The following CCAR2 variants were observed in gnomAD, a reference collection of about 807,000 sequenced individuals.
The protein encoded by CCAR2 is cell cycle and apoptosis regulator protein 2.
Under a neutral mutation model 108.1 loss-of-function variants are expected in CCAR2, and 21 were observed. The ratio of observed to expected loss-of-function variants is 0.19; its 90% confidence interval spans 0.14 to 0.28. The LOEUF is 0.28. Ranked by LOEUF, CCAR2 falls within the 10% of genes least tolerant of loss-of-function variation. The pLI is 1.00. For synonymous variants in CCAR2, 577 were observed against 472.8 expected, an observed-to-expected ratio of 1.22 and a Z score of -2.86; for missense variants, 1,126 against 1,177.0, an observed-to-expected ratio of 0.96 and a Z score of 0.63.
chr8:22,617,809 CAGT>C (rs1563926322), intron 16 of CCAR2, 31 bp downstream of exon 16: 8 of 1,608,304 alleles, frequency 5.0e-6, no homozygotes, highest in Admixed American at 1.7e-5. Flanking sequence ...CTCTGGGTCT[CAGT>C]GGTGGTGAGG....
chr8:22,615,621 CG>C (rs1464514649), intron 12 of CCAR2, 25 bp downstream of exon 12: 1 of 1,613,544 alleles, frequency 6.2e-7, no homozygotes. Flanking sequence ...TAGCCAGCAG[CG>C]GGGGATATAG....
chr8:22,613,471 C>T (rs1801375606), intron 8 of CCAR2, among the ~76,000 whole-genome samples: 1 of 151,496 alleles, frequency 6.6e-6, no homozygotes, highest in African/African-American at 2.4e-5. Context: ...AATGAACATC[C>T]TTCTACCTAC....
chr8:22,605,180 C>G (rs961710860), intron 1 of CCAR2: 4 of 190,252 alleles, frequency 2.1e-5, no homozygotes, highest in African/African-American at 9.6e-5. Flanking sequence ...GGCCAGGGAG[C>G]TGCCTTCCCA....
intron 14 of CCAR2, 160 bp downstream of exon 14, chr8:22,616,408 A>G (rs1801511050): frequency 1.5e-6 from 1 of 673,838 alleles, no homozygotes; most frequent in African/African-American, 1.8e-5. Context: ...CACCTAGTGC[A>G]AGGGAAGGTG....
At position 22,614,214 on chromosome 8, in the gene CCAR2, A is replaced by G; in HGVS notation, c.827A>G (p.His276Arg). Reference sequence around the variant, plus strand: ...CCCCTGAGCCAGCCCTTTTCCCTCCATCATCCAAGCCGGATCCAGGTCTCT... The same window carrying G: ...CCCCTGAGCCAGCCCTTTTCCCTCCGTCATCCAAGCCGGATCCAGGTCTCT... Reference protein sequence around the residue: ...AFPLSQPFSLHHPSRIQVSSE... With the variant: ...AFPLSQPFSLRHPSRIQVSSE... The change falls in exon 9 of 21, where the codon CAT becomes CGT. Residue 276 changes from histidine to arginine, a missense_variant. This residue lies in a region of CCAR2 where 1,013 missense variants were observed against 993.9 expected (regional missense o/e 1.02). Transcript: ENST00000308511. 3.1e-6 allele frequency: 5 copies of G among 1,613,896 alleles called. No homozygotes were observed. Among genetic ancestry groups the G allele is most frequent in the Non-Finnish European group, 4.2e-6 (5 of 1,179,990 alleles).
At chr8:22,615,354 C>T in intron 11 of CCAR2, 71 bp from the exon 12 acceptor site, 1 of 1,543,554 alleles carries the variant, frequency 6.5e-7, no homozygotes, top group South Asian at 1.2e-5. Flanking sequence ...AACTGAAGCC[C>T]TTGCCTGTGA....
chr8:22,617,811 G>A, intron 16 of CCAR2, 33 bp downstream of exon 16: 1 of 1,608,666 alleles, frequency 6.2e-7, no homozygotes, highest in Non-Finnish European at 8.5e-7. Context: ...CTGGGTCTCA[G>A]TGGTGGTGAG....
At chr8:22,605,888 GT>G in intron 2 of CCAR2, 57 bp downstream of exon 2, 1 of 1,560,884 alleles carries the variant, frequency 6.4e-7, no homozygotes, top group Non-Finnish European at 8.8e-7. Context: ...TCTGGAGTTA[GT>G]TTGGGGTTTC....
chr8:22,617,518 G>C lies in CCAR2; in HGVS notation c.1944G>C (p.Leu648=), dbSNP rs761190066. 1 of 1,606,208 alleles carries C rather than the reference G, an allele frequency of 6.2e-7. No individual in the cohort carries two copies. The highest frequency in any genetic ancestry group is 8.5e-7 in the Non-Finnish European group (1 of 1,176,076). ...EASEDLCEMA[L]DPELLLLRDD... is the part of the protein sequence containing the mutation. Reference sequence around the variant, plus strand: ...CTGAGGACCTGTGTGAGATGGCCCTGGACCCAGAACTGTTGCTTCTGAGGG... The same window carrying C: ...CTGAGGACCTGTGTGAGATGGCCCTCGACCCAGAACTGTTGCTTCTGAGGG... The change falls in exon 15 of 21, where the codon CTG becomes CTC. Residue 648 remains leucine, a synonymous_variant. Transcript: ENST00000308511.
chr8:22,611,370 A>G (rs1801267060), intron 7 of CCAR2, among the ~76,000 whole-genome samples: 2 of 140,288 alleles, frequency 1.4e-5, no homozygotes, highest in Admixed American at 1.4e-4. Flanking sequence ...CAAAAAAAAA[A>G]AAAAAAAAAG....
Position 22,606,684 on chromosome 8 carries a change from C to A in CCAR2, c.228C>A (p.Val76=). The change falls in exon 4 of 21, where the codon GTC becomes GTA. Residue 76 remains valine (V), a synonymous_variant. Transcript: ENST00000308511. ...ACTTTGGGGTTGTGGATGAAGAGGT[C>A]TTTTTTCAGCTAAGGTAGGCTTGAG... is the stretch of plus-strand genomic sequence containing the variant. The part of the protein sequence containing the change: ...HDYFGVVDEE[V]FFQLSVVKGR... 1 of 1,613,932 alleles carries A rather than the reference C, an allele frequency of 6.2e-7. No homozygotes were observed. Among genetic ancestry groups the A allele is most frequent in the Non-Finnish European group, 8.5e-7 (1 of 1,179,900 alleles).
At chr8:22,606,585 C>G in intron 3 of CCAR2, 22 bp from the exon 4 acceptor site, 1 of 1,598,538 alleles carries the variant, frequency 6.3e-7, no homozygotes, top group African/African-American at 1.3e-5. Flanking sequence ...TTTTACTTTT[C>G]AGCTGTCTCC....
At chr8:22,612,973 A>G (rs1440313419) in intron 7 of CCAR2, 44 bp from the exon 8 acceptor site, 11 of 1,588,638 alleles carry the variant, frequency 6.9e-6, no homozygotes, top group Middle Eastern at 1.8e-4. Flanking sequence ...TTGAATACAT[A>G]TAACAATGTG....
chr8:22,618,951 G>C lies in CCAR2; in HGVS notation c.2457G>C (p.Ala819=). The C allele has an allele frequency of 1.2e-6, 2 of 1,613,670 alleles. No individual in the cohort carries two copies. Among genetic ancestry groups the C allele is most frequent in the South Asian group, 1.1e-5 (1 of 91,090 alleles). Residue 819 remains alanine, a synonymous_variant, in exon 19 of 21, where the codon GCG becomes GCC. Transcript: ENST00000308511. ...LINVGSLLQR[A]EQQDSGRLYL... The stretch of plus-strand genomic sequence containing the variant: ...ACGTGGGGAGCCTGCTGCAGCGCGC[G>C]GAGCAGCAGGACAGCGGCCGGCTCT...
In CCAR2 at chr8:22,619,894, A is replaced by T. The variant is rs116916187; in HGVS notation, c.*212A>T. The T allele has an allele frequency of 2.9e-3, 1,694 of 585,838 alleles. 43 individuals are homozygous for T. In the East Asian group the frequency reaches 0.039, roughly 14 times the overall value. The allele number at this position is 585,838 out of a possible 1,614,324, so 36.3% of individuals were successfully genotyped here. The stretch of plus-strand genomic sequence containing the variant: ...GTGAGGAACCCCGGTTCCACTTAAC[A>T]ACTAAATACAACATCTTTTGCACCC... On this transcript the variant is annotated 3_prime_UTR_variant, in exon 21 of 21. Coordinates refer to ENST00000308511, the MANE Select transcript of CCAR2 (RefSeq NM_001393997.1).
At chr8:22,610,312 T>C (rs1268035268) in intron 7 of CCAR2, among the ~76,000 whole-genome samples, 1 of 152,246 alleles carries the variant, frequency 6.6e-6, no homozygotes, top group Non-Finnish European at 1.5e-5. Flanking sequence ...AGCTTTATTT[T>C]GAATTCCTGG....
chr8:22,605,339 T>C (rs11778693), intron 1 of CCAR2: 50,826 of 165,892 alleles, frequency 0.31, 8,154 homozygotes, highest in South Asian at 0.36. Flanking sequence ...CGGGGCTCTC[T>C]CGAGCCCCTC....
At chr8:22,613,775 C>G (rs1434008142) in intron 8 of CCAR2, 1 of 318,010 alleles carries the variant, frequency 3.1e-6, no homozygotes, top group Admixed American at 4.6e-5. Context: ...CTCTTAAGAA[C>G]CTATTGATGT....
intron 11 of CCAR2, 48 bp downstream of exon 11, chr8:22,615,049 G>GAGGTTTTGTTGGGA: frequency 1.3e-6 from 2 of 1,495,914 alleles, no homozygotes; most frequent in Non-Finnish European, 1.8e-6. Flanking sequence ...CCAGGTTGGG[G>GAGGTTTTGTTGGGA]AGGTTTTGTT....
Sources: gnomAD v4.1 joint callset for allele counts (sites outside exome capture counted in the v4.1 genomes callset) on GRCh38, gnomAD v4.1.1 for gene constraint, gnomAD v4.1.1 regional missense constraint, MANE v1.5 for transcripts, NCBI Gene and HGNC (gene_info 2026-07-23, HGNC 2026-07-21) for gene names.